MYLK4: variants seen among roughly 807,000 people sequenced by gnomAD.
The protein encoded by MYLK4 is caMLCK like.
MYLK4 carries 46 observed loss-of-function variants against 48.1 expected under a neutral mutation model. The ratio of observed to expected loss-of-function variants is 0.96; its 90% confidence interval spans 0.75 to 1.22. The LOEUF (loss-of-function observed/expected upper bound fraction) is 1.22, where lower values mean the gene tolerates loss of function less well. Among genes scored for constraint, MYLK4 ranks in the 50% most tolerant of loss-of-function variants. MYLK4 has a pLI of 0.00. For synonymous variants in MYLK4, 170 were observed against 180.8 expected (o/e 0.94, Z 0.48); for missense variants, 451 against 486.1 (o/e 0.93, Z 0.68).
chr6:2,764,131 A>G, the MYLK4 span, among the ~76,000 whole-genome samples: 1 of 152,166 alleles, frequency 6.6e-6, no homozygotes, highest in East Asian at 1.9e-4. Flanking sequence ...CTGCGTCTCA[A>G]AAAAATAATG....
the MYLK4 span, among the ~76,000 whole-genome samples, chr6:2,767,177 A>G: frequency 4.6e-5 from 7 of 152,214 alleles, no homozygotes; most frequent in Non-Finnish European, 8.8e-5. Context: ...AGATGAGGGC[A>G]GTTAGGATAT....
chr6:2,763,608 G>T, the MYLK4 span, among the ~76,000 whole-genome samples: 4 of 152,244 alleles, frequency 2.6e-5, no homozygotes, highest in African/African-American at 9.6e-5. Context: ...GCGCTGGCCC[G>T]CAAGCACCGC....
chr6:2,733,101 CCTT>C (rs1396524106), intron 2 of MYLK4, among the ~76,000 whole-genome samples: 1 of 152,198 alleles, frequency 6.6e-6, no homozygotes, highest in African/African-American at 2.4e-5. Flanking sequence ...CAAATTATAT[CCTT>C]CTTCTTTTTG....
chr6:2,769,054 A>G, the MYLK4 span, among the ~76,000 whole-genome samples: 3 of 152,204 alleles, frequency 2.0e-5, no homozygotes, highest in African/African-American at 4.8e-5. Flanking sequence ...GTGTTTTTTG[A>G]TAACAAGAAA....
chr6:2,723,226 A>G (rs926260147), intron 2 of MYLK4, among the ~76,000 whole-genome samples: 4 of 152,192 alleles, frequency 2.6e-5, no homozygotes, highest in Admixed American at 2.6e-4. Flanking sequence ...CTGGGAAGTC[A>G]AGGCTGCAGT....
At chr6:2,762,626 C>T in the MYLK4 span, among the ~76,000 whole-genome samples, 1 of 152,226 alleles carries the variant, frequency 6.6e-6, no homozygotes, top group Non-Finnish European at 1.5e-5. Flanking sequence ...TTCTGTGATG[C>T]TCCTGCAATA....
intron 12 of MYLK4, among the ~76,000 whole-genome samples, chr6:2,669,460 G>A (rs538483208): frequency 1.3e-5 from 2 of 152,296 alleles, no homozygotes; most frequent in East Asian, 1.9e-4. Context: ...CAGCAGGCCC[G>A]CCTTGGAATG....
chr6:2,750,894 C>T lies in MYLK4; in HGVS notation c.-271G>A, dbSNP rs1445790888. 1.3e-5 allele frequency: 2 copies of T among 152,590 alleles called. No individual in the cohort carries two copies. Among genetic ancestry groups the T allele is most frequent in the African/African-American group, 4.8e-5 (2 of 41,444 alleles). 9.5% of individuals were successfully genotyped at this position (152,590 alleles called of 1,614,324 possible). A position where few individuals can be genotyped will look rare whatever the true frequency, so the allele number is the denominator to read the frequency against. On this transcript the variant is annotated 5_prime_UTR_variant, in exon 1 of 13. Transcript: ENST00000274643. ...TAAATCTTCTGAAAAGACAAGTGTC[C>T]ACTACGAGAGGAAGTATCTTCTCTC... is the stretch of plus-strand genomic sequence containing the variant.
Position 2,685,361 on chromosome 6 carries a change from G to A in MYLK4, c.480C>T (p.His160=), listed in dbSNP as rs1015241407. Residue 160 remains histidine (H), a synonymous_variant, in exon 6 of 13, where the codon CAC becomes CAT. Coordinates refer to ENST00000274643, the MANE Select transcript of MYLK4 (RefSeq NM_001012418.5). The surrounding 1 kb of genome is among the most constrained non-coding windows in gnomAD (Gnocchi z 4.5). ...NEISVMNQLD[H]ANLIQLYDAF... The stretch of plus-strand genomic sequence containing the variant: ...CATCGTACAGCTGGATGAGGTTCGC[G>A]TGGTCCAGCTGGTTCATGACGCTGA... The A allele has an allele frequency of 2.5e-6, 4 of 1,613,892 alleles. No individual in the cohort carries two copies. The highest frequency in any genetic ancestry group is 1.7e-4 in the Middle Eastern group (1 of 6,048).
intron 2 of MYLK4, among the ~76,000 whole-genome samples, chr6:2,699,287 C>CTTTGTTTTTTTTTTTTTTTTTT (rs1762187424): frequency 1.3e-5 from 1 of 77,894 alleles, no homozygotes; most frequent in Non-Finnish European, 2.2e-5. Flanking sequence ...CTTTTCTTTT[C>CTTTGTTTTTTTTTTTTTTTTTT]TTTTTTTTTT....
At chr6:2,766,170 A>G in the MYLK4 span, 1 of 1,342,624 alleles carries the variant, frequency 7.4e-7, no homozygotes, top group Non-Finnish European at 9.5e-7. Context: ...GCGGACGGCG[A>G]GGACGACCCG....
At chr6:2,766,115 G>C in the MYLK4 span, 1 of 1,323,532 alleles carries the variant, frequency 7.6e-7, no homozygotes, top group African/African-American at 1.5e-5. Context: ...GGCGCAGGAG[G>C]AGGAGGAGGC....
At chr6:2,677,640 T>C (rs1269344185) in intron 10 of MYLK4, among the ~76,000 whole-genome samples, 3 of 152,330 alleles carry the variant, frequency 2.0e-5, no homozygotes, top group East Asian at 3.9e-4. Flanking sequence ...TAGAGGGCCA[T>C]GTAATAAATA....
At chr6:2,717,275 T>C (rs1449368927) in intron 2 of MYLK4, among the ~76,000 whole-genome samples, 1 of 152,238 alleles carries the variant, frequency 6.6e-6, no homozygotes, top group Non-Finnish European at 1.5e-5. Context: ...ATTTCCTTTT[T>C]ACGGTCTTCT....
Position 2,693,756 on chromosome 6 carries a change from C to CT in MYLK4, c.160-898dup, listed in dbSNP as rs66817086. ...GATATCAAGACAAATTGCAAATGTG[C>CT]TTTTTTTTTTTTTTTTTTGAGATGG... On this transcript the variant is annotated intron_variant, in intron 2 of 12. Coordinates refer to ENST00000274643, the MANE Select transcript of MYLK4 (RefSeq NM_001012418.5). Among the ~76,000 whole-genome samples, 941 of 124,772 alleles carry CT rather than the reference C, an allele frequency of 7.5e-3. 12 individuals are homozygous for CT. Among genetic ancestry groups the CT allele is most frequent in the African/African-American group, 0.027 (895 of 32,634 alleles). 81.9% of individuals were successfully genotyped at this position (124,772 alleles called of 152,430 possible).
the MYLK4 span, among the ~76,000 whole-genome samples, chr6:2,759,357 T>C: frequency 6.6e-6 from 1 of 152,218 alleles, no homozygotes; most frequent in Non-Finnish European, 1.5e-5. Flanking sequence ...TCCTCCTGCC[T>C]TGGCCTCGCA....
chr6:2,752,392 G>GTT (rs767440768), upstream of MYLK4, among the ~76,000 whole-genome samples: 1 of 149,062 alleles, frequency 6.7e-6, no homozygotes, highest in Non-Finnish European at 1.5e-5. Context: ...TTGTTGCTGG[G>GTT]TTTTTTTTTT....
At chr6:2,720,544 T>C (rs1450479633) in intron 2 of MYLK4, among the ~76,000 whole-genome samples, 2 of 152,168 alleles carry the variant, frequency 1.3e-5, no homozygotes, top group Non-Finnish European at 1.5e-5. Context: ...TTTTTGCCAT[T>C]AAAAGTCATG....
chr6:2,762,724 C>T, the MYLK4 span, among the ~76,000 whole-genome samples: 1 of 152,328 alleles, frequency 6.6e-6, no homozygotes, highest in East Asian at 1.9e-4. Flanking sequence ...GTTAACAGTT[C>T]TTAAACACAG....
Sources: allele counts gnomAD v4.1 joint callset (sites outside exome capture counted in the v4.1 genomes callset), GRCh38; gene constraint gnomAD v4.1.1; non-coding constraint Gnocchi (gnomAD v3.1); transcripts MANE v1.5; gene names NCBI Gene and HGNC (gene_info 2026-07-23, HGNC 2026-07-21).